The following CEP68 variants were observed in gnomAD, a reference collection of about 807,000 sequenced individuals.
CEP68 encodes centrosomal protein 68.
Under a neutral mutation model 55.3 loss-of-function variants are expected in CEP68, and 26 were observed. The ratio of observed to expected loss-of-function variants is 0.47; its 90% CI spans 0.34 to 0.65. The LOEUF is 0.65. CEP68 is among the 30% of genes least tolerant of loss of function. CEP68 has a pLI of 0.01. For synonymous variants in CEP68, 402 were observed against 383.2 expected, an observed-to-expected ratio of 1.05 and a Z score of -0.57; for missense variants, 957 against 946.7, an observed-to-expected ratio of 1.01 and a Z score of -0.14.
At chr2:65,066,708 CAG>C (rs1260048892) in intron 1 of CEP68, among the ~76,000 whole-genome samples, 1 of 113,736 alleles carries the variant, frequency 8.8e-6, no homozygotes, top group African/African-American at 3.5e-5. Context: ...GCCTGGAAGA[CAG>C]AGTGAGACTC....
At chr2:65,067,540 C>T (rs1221288023) in intron 1 of CEP68, among the ~76,000 whole-genome samples, 1 of 152,088 alleles carries the variant, frequency 6.6e-6, no homozygotes, top group Non-Finnish European at 1.5e-5. Context: ...TGCTTTTTCT[C>T]CCATTTGGCT....
Position 65,083,662 on chromosome 2 carries a change from A to T in CEP68, c.*28A>T, listed in dbSNP as rs1668935847. 6.6e-6 allele frequency: 1 copy of T among 152,210 alleles called. No homozygotes were observed. The highest frequency in any genetic ancestry group is 1.5e-5 in the Non-Finnish European group (1 of 68,048). The allele number at this position is 152,210 out of a possible 1,614,324, so 9.4% of individuals were successfully genotyped here. ...AGGCATCTTCTCAGGCAGAGGTGCAACCTGTCGGCCAAACACTGGCTAGTG... is the reference window on the plus strand; with the variant it reads ...AGGCATCTTCTCAGGCAGAGGTGCATCCTGTCGGCCAAACACTGGCTAGTG... On this transcript the variant is annotated 3_prime_UTR_variant, in exon 7 of 7. Transcript: ENST00000377990.
intron 1 of CEP68, among the ~76,000 whole-genome samples, chr2:65,060,767 G>T (rs188954468): frequency 1.2e-3 from 176 of 152,316 alleles, no homozygotes; most frequent in African/African-American, 4.1e-3. Flanking sequence ...TGTACATTGA[G>T]CTTTGTTACA....
At chr2:65,073,880 C>T (rs1186993265) in intron 3 of CEP68, 1 of 184,632 alleles carries the variant, frequency 5.4e-6, no homozygotes, top group Non-Finnish European at 1.1e-5. Flanking sequence ...TTGTTCTTCG[C>T]TATAGCTTCA....
intron 1 of CEP68, among the ~76,000 whole-genome samples, chr2:65,064,841 A>C (rs1676085362): frequency 2.0e-5 from 3 of 151,924 alleles, no homozygotes; most frequent in Admixed American, 1.3e-4. Flanking sequence ...CTGTTCCCCT[A>C]CTTATGAAAA....
intron 4 of CEP68, chr2:65,074,769 C>CCA (rs1435473462): frequency 8.3e-6 from 2 of 241,268 alleles, no homozygotes; most frequent in Non-Finnish European, 1.6e-5. Context: ...GCAAGACCCC[C>CCA]CCCCCTCAAA....
At chr2:65,075,754 C>G (rs959123268) in intron 4 of CEP68, among the ~76,000 whole-genome samples, 22 of 152,176 alleles carry the variant, frequency 1.4e-4, no homozygotes, top group African/African-American at 5.3e-4. Flanking sequence ...TATCCATGGT[C>G]TGAGCCTGAG....
intron 1 of CEP68, among the ~76,000 whole-genome samples, chr2:65,063,965 T>A (rs979609894): frequency 6.6e-6 from 1 of 152,220 alleles, no homozygotes; most frequent in African/African-American, 2.4e-5. Flanking sequence ...TTGGTTCTCA[T>A]AATAAACTTG....
intron 2 of CEP68, chr2:65,071,238 G>C (rs1199463503): frequency 3.4e-6 from 2 of 580,758 alleles, no homozygotes; most frequent in East Asian, 5.7e-5. Flanking sequence ...GAGAGGACTG[G>C]AGATGGGAGT....
Position 65,072,650 on chromosome 2 carries a change from C to T in CEP68, c.1554C>T (p.Pro518=). The change falls in exon 3 of 7, where the codon CCC becomes CCT. Residue 518 remains proline, a synonymous_variant. Transcript: ENST00000377990. ...CTGGGGATATCAAAGGGCAGAGCCC[C>T]TTGGAAGTGTCAGACAGTGATGGGC... The part of the protein sequence containing the change: ...LPTGDIKGQS[P]LEVSDSDGPA... 1 of 1,614,188 alleles carries T rather than the reference C, an allele frequency of 6.2e-7. No homozygotes were observed. Among genetic ancestry groups the T allele is most frequent in the Non-Finnish European group, 8.5e-7 (1 of 1,180,016 alleles).
Position 65,063,605 on chromosome 2 carries a change from G to A in CEP68, c.-46-5794G>A, listed in dbSNP as rs143512209. On this transcript the variant is annotated intron_variant, in intron 1 of 6. Coordinates refer to ENST00000377990, the MANE Select transcript of CEP68 (RefSeq NM_015147.3). ...ATTAGAAGTGCAACCTGAATCTATC[G>A]CCCCCACCCCTACCCCAGAGGGTTA... Among the ~76,000 whole-genome samples, 536 of 152,250 alleles carry A rather than the reference G, an allele frequency of 3.5e-3. 2 individuals carry two copies. The highest frequency in any genetic ancestry group is 0.012 in the African/African-American group (511 of 41,528).
In CEP68 at chr2:65,086,926, T is replaced by C. The variant is rs181533930; in HGVS notation, c.*3292T>C. ...ATTGAATATTCTGTCCATTTCATTT[T>C]ACAATTATCTTACCACTTATTTTTG... On this transcript the variant is annotated 3_prime_UTR_variant, in exon 7 of 7. Transcript: ENST00000377990. 6.5e-6 allele frequency: 1 copy of C among 152,790 alleles called. No individual in the cohort carries two copies. The highest frequency in any genetic ancestry group is 1.9e-4 in the East Asian group (1 of 5,190). 9.5% of individuals were successfully genotyped at this position (152,790 alleles called of 1,614,324 possible).
At chr2:65,065,561 C>T (rs938469690) in intron 1 of CEP68, among the ~76,000 whole-genome samples, 5 of 152,186 alleles carry the variant, frequency 3.3e-5, no homozygotes, top group African/African-American at 1.2e-4. Context: ...GCTCCTATGG[C>T]ATATTTCTGG....
chr2:65,068,095 C>T (rs1313209397), intron 1 of CEP68, among the ~76,000 whole-genome samples: 1 of 152,160 alleles, frequency 6.6e-6, no homozygotes, highest in Admixed American at 6.5e-5. Flanking sequence ...CATTTCTGCC[C>T]ACATTTAAGC....
In CEP68 at chr2:65,071,583, G is replaced by A. The variant is rs1416067943; in HGVS notation, c.487G>A (p.Ala163Thr). 4.3e-6 allele frequency: 7 copies of A among 1,614,036 alleles called. No homozygotes were observed. Among genetic ancestry groups the A allele is most frequent in the Non-Finnish European group, 5.9e-6 (7 of 1,180,028 alleles). Residue 163 changes from alanine (A) to threonine (T), a missense_variant, in exon 3 of 7, where the codon GCA becomes ACA. Physicochemically the swap from Ala to Thr is moderately conservative, Grantham distance 58. Transcript: ENST00000377990. ...DDPSLADLPQ[A>T]LDLSQQPHSS... ...TCCATCCCTAGCAGATTTGCCCCAG[G>A]CACTGGACCTCAGCCAGCAGCCTCA...
chr2:65,085,792 C>CA lies in CEP68; in HGVS notation c.*2159dup, dbSNP rs1262511316. ...CACCACTGCACTCCAGCCTGGGCAA[C>CA]AGAGTGAGACTCTTGTCTCAAAAAA... is the stretch of plus-strand genomic sequence containing the variant. On this transcript the variant is annotated 3_prime_UTR_variant, in exon 7 of 7. Coordinates refer to ENST00000377990, the MANE Select transcript of CEP68 (RefSeq NM_015147.3). 1 of 151,780 alleles carries CA rather than the reference C, an allele frequency of 6.6e-6. No homozygotes were observed. Among genetic ancestry groups the CA allele is most frequent in the Non-Finnish European group, 1.5e-5 (1 of 68,006 alleles). 9.4% of individuals were successfully genotyped at this position (151,780 alleles called of 1,614,324 possible).
At chr2:65,069,319 C>T (rs1043619202) in intron 1 of CEP68, 80 bp from the exon 2 acceptor site, 1 of 751,254 alleles carries the variant, frequency 1.3e-6, no homozygotes, top group African/African-American at 1.7e-5. Flanking sequence ...AATATGTTTG[C>T]CTTAATTGTT....
chr2:65,078,178 C>G (rs1020092713), intron 5 of CEP68, among the ~76,000 whole-genome samples: 1 of 152,198 alleles, frequency 6.6e-6, no homozygotes, highest in Non-Finnish European at 1.5e-5. Context: ...GTTATAAAAC[C>G]AAGCCCATTA....
Position 65,086,330 on chromosome 2 carries a change from TCC to T in CEP68, c.*2698_*2699del, listed in dbSNP as rs1337463565. The T allele has an allele frequency of 6.6e-6, 1 of 152,224 alleles. No individual in the cohort carries two copies. The highest frequency in any genetic ancestry group is 2.4e-5 in the African/African-American group (1 of 41,460). 9.4% of individuals were successfully genotyped at this position (152,224 alleles called of 1,614,324 possible). ...CCTTATATTTAGAACAAGTGGTAAT[TCC>T]CTTTACTAAGTGAACAGATTATTAA... On this transcript the variant is annotated 3_prime_UTR_variant, in exon 7 of 7. Transcript: ENST00000377990.
Sources: allele counts gnomAD v4.1 joint callset (sites outside exome capture counted in the v4.1 genomes callset), GRCh38; gene constraint gnomAD v4.1.1; transcripts MANE v1.5; gene names NCBI Gene and HGNC (gene_info 2026-07-23, HGNC 2026-07-21).